INTS13: variants seen among roughly 807,000 people sequenced by gnomAD.
The protein encoded by INTS13 is integrator complex subunit 13, also known as asunder, spermatogenesis regulator homolog (Drosphila).
In INTS13, 35 loss-of-function variants were observed where a neutral mutation model predicts 90.2. That is an observed-to-expected ratio of 0.39 (90% CI 0.30 to 0.51). INTS13 has a LOEUF of 0.51. Among genes scored for constraint, INTS13 ranks in the 20% least tolerant of loss-of-function variants. INTS13 has a pLI of 0.80. For missense variants in INTS13, 601 were observed against 851.2 expected (o/e 0.71, Z 3.66); for synonymous variants, 309 against 277.1 (o/e 1.11, Z -1.14).
At chr12:26,927,296 A>G (rs1937929043) in intron 5 of INTS13, among the ~76,000 whole-genome samples, 1 of 152,216 alleles carries the variant, frequency 6.6e-6, no homozygotes, top group Non-Finnish European at 1.5e-5. Context: ...AGTGGGTTAC[A>G]GTCTTGTGGA....
chr12:26,911,417 G>A, intron 14 of INTS13, 100 bp from the exon 15 acceptor site: 3 of 1,011,098 alleles, frequency 3.0e-6, no homozygotes, highest in Non-Finnish European at 4.1e-6. Flanking sequence ...TATAAAAGAT[G>A]GCTAATCTCA....
chr12:26,917,001 C>T (rs1218330857), intron 10 of INTS13, among the ~76,000 whole-genome samples: 1 of 152,084 alleles, frequency 6.6e-6, no homozygotes, highest in Non-Finnish European at 1.5e-5. Flanking sequence ...TTTAATTCTT[C>T]AAATCTATTT....
At chr12:26,931,682 A>T (rs1938200568) in intron 3 of INTS13, among the ~76,000 whole-genome samples, 1 of 152,236 alleles carries the variant, frequency 6.6e-6, no homozygotes, top group South Asian at 2.1e-4. Context: ...AGCTACTAGT[A>T]ACTCAGTATC....
intron 3 of INTS13, among the ~76,000 whole-genome samples, chr12:26,933,652 A>G (rs190416403): frequency 6.6e-6 from 1 of 152,326 alleles, no homozygotes; most frequent in Non-Finnish European, 1.5e-5. Flanking sequence ...GATCTGAAAA[A>G]TAGGGAGAGA....
chr12:26,925,000 G>C (rs1017105377), intron 6 of INTS13, among the ~76,000 whole-genome samples: 4 of 151,864 alleles, frequency 2.6e-5, no homozygotes, highest in African/African-American at 9.7e-5. Flanking sequence ...ACTCATTCCA[G>C]GGCAATAATA....
chr12:26,938,111 G>A (rs1435117721), upstream of INTS13: 1 of 152,696 alleles, frequency 6.5e-6, no homozygotes, highest in Non-Finnish European at 1.5e-5. Flanking sequence ...ACAGGAAGAG[G>A]GCGGGGCCAA....
intron 8 of INTS13, 44 bp downstream of exon 8, chr12:26,922,572 C>A: frequency 7.0e-7 from 1 of 1,438,800 alleles, no homozygotes; most frequent in South Asian, 1.3e-5. Context: ...AATATGCTTT[C>A]ATATGTTAGA....
At chr12:26,915,954 AATG>A (rs1951921789) in intron 11 of INTS13, 45 bp downstream of exon 11, 3 of 1,408,590 alleles carry the variant, frequency 2.1e-6, no homozygotes, top group Non-Finnish European at 9.6e-7. Context: ...CTACTTGCTG[AATG>A]ATGACAGATT....
chr12:26,925,836 T>C lies in INTS13; in HGVS notation c.600A>G (p.Gln200=), dbSNP rs774637880. 6.2e-7 allele frequency: 1 copy of C among 1,612,650 alleles called. No homozygotes were observed. Among genetic ancestry groups the C allele is most frequent in the Non-Finnish European group, 8.5e-7 (1 of 1,179,104 alleles). ...TGTGGATCAAGACCAACTCACATTT[T>C]TGAATCTGCATGAGACTTAAAGAGA... ...AANSDHLMQI[Q]KCELVLIHTY... is the part of the protein sequence containing the mutation. Residue 200 remains glutamine, a synonymous_variant, in exon 6 of 17, where the codon CAA becomes CAG. Transcript: ENST00000261191.
At chr12:26,928,379 A>T (rs986581477) in intron 4 of INTS13, 94 bp from the exon 5 acceptor site, 1 of 991,872 alleles carries the variant, frequency 1.0e-6, no homozygotes, top group Non-Finnish European at 1.6e-6. Context: ...TGTTATAGAC[A>T]TTTAAAGTTA....
chr12:26,922,530 A>C (rs1743476537), intron 8 of INTS13, 86 bp downstream of exon 8: 12 of 977,862 alleles, frequency 1.2e-5, no homozygotes, highest in African/African-American at 1.7e-5. Flanking sequence ...GGGGTCTTGG[A>C]ATGTCTTCCC....
intron 3 of INTS13, among the ~76,000 whole-genome samples, chr12:26,930,624 A>C (rs757803169): frequency 2.0e-5 from 3 of 152,232 alleles, no homozygotes; most frequent in Non-Finnish European, 4.4e-5. Flanking sequence ...CTCCATTCAA[A>C]ATTTAAAAGC....
intron 2 of INTS13, among the ~76,000 whole-genome samples, chr12:26,936,159 G>A (rs970336659): frequency 3.3e-5 from 5 of 152,178 alleles, no homozygotes; most frequent in African/African-American, 4.8e-5. Context: ...CTCAGTTTCC[G>A]GATCTGCAAC....
At chr12:26,920,475 T>C (rs1167901511) in intron 8 of INTS13, among the ~76,000 whole-genome samples, 2 of 151,974 alleles carry the variant, frequency 1.3e-5, no homozygotes, top group East Asian at 3.9e-4. Flanking sequence ...CTCAGCTCAC[T>C]GCAACTTCTG....
At chr12:26,917,874 AGCAC>A in intron 8 of INTS13, 141 bp from the exon 9 acceptor site, 1 of 628,084 alleles carries the variant, frequency 1.6e-6, no homozygotes. Context: ...CTGTAATCCC[AGCAC>A]TTTGGGAGGC....
At position 26,906,551 on chromosome 12, in the gene INTS13, G is replaced by A. The variant is rs1951616478; in HGVS notation, c.1946-114C>T. The A allele has an allele frequency of 3.7e-6, 4 of 1,079,106 alleles. No individual in the cohort carries two copies. In the South Asian group the frequency reaches 5.7e-5, roughly 15 times the overall value. The allele number at this position is 1,079,106 out of a possible 1,614,324, so 66.8% of individuals were successfully genotyped here. On this transcript the variant is annotated intron_variant, in intron 15 of 16. Coordinates refer to ENST00000261191, the MANE Select transcript of INTS13 (RefSeq NM_018164.3). ...CTGTTGTTCATTTTACACAATTAAG[G>A]CAGTTAATTCTGTAGTTCATTTTAC...
chr12:26,924,102 G>A (rs1394964273), intron 7 of INTS13, among the ~76,000 whole-genome samples: 1 of 152,080 alleles, frequency 6.6e-6, no homozygotes, highest in African/African-American at 2.4e-5. Context: ...ACGATATGGG[G>A]AGAAAAGGTA....
intron 5 of INTS13, 68 bp downstream of exon 5, chr12:26,928,137 A>G: frequency 3.5e-6 from 4 of 1,153,258 alleles, no homozygotes; most frequent in Non-Finnish European, 5.0e-6. Flanking sequence ...CAGTCAAGTT[A>G]TTGGAAATAA....
At chr12:26,912,519 GC>G (rs1951810635) in intron 14 of INTS13, among the ~76,000 whole-genome samples, 1 of 151,736 alleles carries the variant, frequency 6.6e-6, no homozygotes, top group Non-Finnish European at 1.5e-5. Flanking sequence ...AGAGGATATA[GC>G]CAGAGGATAC....
Sources: gnomAD v4.1 joint callset for allele counts (sites outside exome capture counted in the v4.1 genomes callset) on GRCh38, gnomAD v4.1.1 for gene constraint, MANE v1.5 for transcripts, NCBI Gene and HGNC (gene_info 2026-07-23, HGNC 2026-07-21) for gene names.